The following LONRF3 variants were observed in gnomAD, a reference collection of about 807,000 sequenced individuals.
LONRF3 encodes the protein LON peptidase N-terminal domain and RING finger protein 3.
In LONRF3, 19 loss-of-function variants were observed where a neutral mutation model predicts 51.7. The ratio of observed to expected loss-of-function variants is 0.37; its 90% CI spans 0.26 to 0.54. The LOEUF is 0.54. Among genes scored for constraint, LONRF3 ranks in the 20% least tolerant of loss-of-function variants. The pLI, the probability that LONRF3 is intolerant of heterozygous loss-of-function variation, is 0.86. For synonymous variants in LONRF3, 265 were observed against 257.8 expected (o/e 1.03, Z -0.27); for missense variants, 521 against 623.9 (o/e 0.84, Z 1.76).
chrX:119,012,768 G>T (rs1378464625), intron 8 of LONRF3: 1 of 538,799 alleles, frequency 1.9e-6, no homozygotes, highest in Non-Finnish European at 2.8e-6. Context: ...TTTCAAAATG[G>T]GTTGTAGAGG....
chrX:119,010,753 A>G (rs1311297640), intron 7 of LONRF3, among the ~76,000 whole-genome samples: 2 of 111,535 alleles, frequency 1.8e-5, no homozygotes, highest in Admixed American at 9.5e-5. Context: ...TAAGACAAGG[A>G]TCCCAGAAGA....
chrX:118,976,610 G>C (rs1922082653), intron 1 of LONRF3: 1 of 112,618 alleles, frequency 8.9e-6, no homozygotes, highest in African/African-American at 3.2e-5. Context: ...GGGAGGGTTG[G>C]GTGGGCTTTG....
chrX:118,977,215 C>G (rs1484730837), intron 1 of LONRF3, among the ~76,000 whole-genome samples: 2 of 110,978 alleles, frequency 1.8e-5, no homozygotes, highest in Non-Finnish European at 3.8e-5. Context: ...AAGCTAGATC[C>G]CAGATCTTGG....
At chrX:119,000,373 G>A (rs1317588324) in intron 5 of LONRF3, among the ~76,000 whole-genome samples, 6 of 112,179 alleles carry the variant, frequency 5.3e-5, no homozygotes, top group Non-Finnish European at 9.4e-5. Context: ...GGAAAAGGGT[G>A]AAAAGAGTGA....
At chrX:119,002,147 A>G (rs2147294643) in intron 5 of LONRF3, among the ~76,000 whole-genome samples, 1 of 112,524 alleles carries the variant, frequency 8.9e-6, no homozygotes, top group South Asian at 3.7e-4. Context: ...TTCTCTTAAC[A>G]AAATATTGTA....
intron 7 of LONRF3, among the ~76,000 whole-genome samples, chrX:119,011,124 A>AG (rs1348355241): frequency 1.8e-5 from 2 of 109,591 alleles, no homozygotes; most frequent in African/African-American, 6.6e-5. Flanking sequence ...AAAAAAAAAA[A>AG]AAAAAGAAAA....
In LONRF3 at chrX:118,976,190, G is replaced by A. The variant is rs184435485; in HGVS notation, c.817+593G>A. On this transcript the variant is annotated intron_variant, in intron 1 of 10. Coordinates refer to ENST00000371628, the MANE Select transcript of LONRF3 (RefSeq NM_001031855.3). ...CCGCGGCTCCCTGTGGGGTGGGTCC[G>A]GCATGGAATTAGGTCAGGAGAGCAC... The A allele has an allele frequency of 0.01, 1,145 of 113,302 alleles. 23 individuals carry two copies. In the East Asian group the frequency reaches 0.13, roughly 13 times the overall value. The allele number at this position is 113,302 out of a possible 1,213,427, so 9.3% of individuals were successfully genotyped here.
At chrX:118,976,109 G>A (rs1922021544) in intron 1 of LONRF3, among the ~76,000 whole-genome samples, 2 of 112,879 alleles carry the variant, frequency 1.8e-5, no homozygotes, top group Admixed American at 1.8e-4. Flanking sequence ...AGCAGGAGAT[G>A]TCCGGTCGGC....
At chrX:118,996,745 A>T (rs1187018230) in intron 5 of LONRF3, among the ~76,000 whole-genome samples, 1 of 109,807 alleles carries the variant, frequency 9.1e-6, no homozygotes, top group Non-Finnish European at 1.9e-5. Flanking sequence ...CCACAAAGAA[A>T]TCCTGTCTCT....
At chrX:119,004,389 G>T (rs1293968237) in intron 5 of LONRF3, among the ~76,000 whole-genome samples, 1 of 112,390 alleles carries the variant, frequency 8.9e-6, no homozygotes, top group East Asian at 2.8e-4. Context: ...GCTGAATCTG[G>T]AACTTTAGCC....
intron 5 of LONRF3, among the ~76,000 whole-genome samples, chrX:118,992,959 A>G (rs1270327599): frequency 9.0e-6 from 1 of 111,692 alleles, no homozygotes; most frequent in Non-Finnish European, 1.9e-5. Flanking sequence ...CCACACCCAT[A>G]GGAAAAGGGG....
At chrX:118,998,030 T>C (rs777618505) in intron 5 of LONRF3, among the ~76,000 whole-genome samples, 9 of 112,370 alleles carry the variant, frequency 8.0e-5, no homozygotes, top group Non-Finnish European at 1.1e-4. Flanking sequence ...GGTGGGAATG[T>C]AAACTAGTAC....
intron 2 of LONRF3, among the ~76,000 whole-genome samples, chrX:118,980,752 C>G (rs180791984): frequency 3.6e-5 from 4 of 111,431 alleles, no homozygotes; most frequent in Admixed American, 2.9e-4. Flanking sequence ...AGAGGACTTG[C>G]AACTCTTTCC....
intron 2 of LONRF3, 141 bp downstream of exon 2, chrX:118,978,604 C>A (rs191155769): frequency 3.3e-5 from 14 of 423,895 alleles, no homozygotes; most frequent in African/African-American, 1.7e-4. Context: ...GGGTAAAGAT[C>A]CCTGGGCAAA....
intron 10 of LONRF3, among the ~76,000 whole-genome samples, chrX:119,016,472 G>C (rs752088144): frequency 1.9e-5 from 2 of 106,962 alleles, no homozygotes; most frequent in Non-Finnish European, 3.9e-5. Context: ...CTCAGCCTCC[G>C]GAGTAGCTGG....
rs368497017 is a variant in LONRF3 at position 119,017,735 on chromosome X, CG to C, written c.*51del. 588 of 1,091,433 alleles carry C rather than the reference CG, an allele frequency of 5.4e-4. 3 individuals are homozygous for C. The African/African-American group carries it at 7.5e-3, about 14-fold the overall frequency. 89.9% of individuals were successfully genotyped at this position (1,091,433 alleles called of 1,213,427 possible). ...GAGCTCCCACCTTCCCCACTGCCGT[CG>C]GGGGGAGTCTTCTTGTAAATATATC... On this transcript the variant is annotated 3_prime_UTR_variant, in exon 11 of 11. Coordinates refer to ENST00000371628, the MANE Select transcript of LONRF3 (RefSeq NM_001031855.3).
At chrX:118,987,171 G>T in intron 3 of LONRF3, 1 of 748,206 alleles carries the variant, frequency 1.3e-6, no homozygotes, top group Non-Finnish European at 1.9e-6. Context: ...CTCCTATTTT[G>T]GTTCCTGAGA....
intron 5 of LONRF3, among the ~76,000 whole-genome samples, chrX:119,000,406 G>GT (rs1924188458): frequency 8.9e-6 from 1 of 112,124 alleles, no homozygotes; most frequent in Non-Finnish European, 1.9e-5. Context: ...TCGGAGGTGT[G>GT]TAAGTGAGGA....
intron 3 of LONRF3, among the ~76,000 whole-genome samples, chrX:118,988,898 A>G (rs2147277635): frequency 9.2e-6 from 1 of 108,855 alleles, no homozygotes; most frequent in South Asian, 4.1e-4. Flanking sequence ...CTGGAGCATG[A>G]GGTAACTTGG....
Sources: allele counts gnomAD v4.1 joint callset (sites outside exome capture counted in the v4.1 genomes callset), GRCh38; gene constraint gnomAD v4.1.1; transcripts MANE v1.5; gene names NCBI Gene and HGNC (gene_info 2026-07-23, HGNC 2026-07-21).